PARD6G: variants seen among roughly 807,000 people sequenced by gnomAD.
PARD6G encodes partitioning defective 6 homolog gamma.
Under a neutral mutation model 10.7 loss-of-function variants are expected in PARD6G, and 7 were observed. That is an observed-to-expected ratio of 0.66 (90% CI 0.37 to 1.23). PARD6G has a LOEUF of 1.23. Among genes scored for constraint, PARD6G ranks in the 50% most tolerant of loss-of-function variants. The pLI is 0.02. For synonymous variants in PARD6G, 287 were observed against 269.4 expected (o/e 1.07, Z -0.64); for missense variants, 548 against 571.8 (o/e 0.96, Z 0.42).
intron 1 of PARD6G, among the ~76,000 whole-genome samples, chr18:80,219,194 A>G (rs1967203244): frequency 7.8e-6 from 1 of 127,516 alleles, no homozygotes; most frequent in African/African-American, 2.9e-5. Context: ...ATTTCTCCCC[A>G]GAAAATAGGG....
chr18:80,219,660 G>T (rs1232859667), intron 1 of PARD6G, among the ~76,000 whole-genome samples: 1 of 152,154 alleles, frequency 6.6e-6, no homozygotes, highest in East Asian at 1.9e-4. Context: ...CTAGGGCAGG[G>T]ACAAAATGCC....
chr18:80,226,322 C>T (rs1967292065), intron 1 of PARD6G, among the ~76,000 whole-genome samples: 1 of 151,870 alleles, frequency 6.6e-6, no homozygotes, highest in South Asian at 2.1e-4. Flanking sequence ...AGGCATGTAC[C>T]ACCACGCCCA....
intron 1 of PARD6G, among the ~76,000 whole-genome samples, chr18:80,237,091 T>C (rs1342229720): frequency 1.3e-5 from 2 of 152,138 alleles, no homozygotes; most frequent in Admixed American, 1.3e-4. Flanking sequence ...GCTACCTGAC[T>C]TCAAACTACA....
chr18:80,175,022 A>G lies in PARD6G; in HGVS notation c.296-14416T>C, dbSNP rs1055510417. On this transcript the variant is annotated intron_variant, in intron 2 of 2. Coordinates refer to ENST00000353265, the MANE Select transcript of PARD6G (RefSeq NM_032510.4). This position sits in a 1 kb window ranked among gnomAD's most constrained non-coding sequence, Gnocchi z 6.7. ...GCATTTGTCTGTTCATTCCTAACCAATGCTCAGGGAGAGCACCCAACAGAG... is the reference window on the plus strand; with the variant it reads ...GCATTTGTCTGTTCATTCCTAACCAGTGCTCAGGGAGAGCACCCAACAGAG... Among the ~76,000 whole-genome samples, 1 of 152,176 alleles carries G rather than the reference A, an allele frequency of 6.6e-6. No individual in the cohort carries two copies. Among genetic ancestry groups the G allele is most frequent in the African/African-American group, 2.4e-5 (1 of 41,448 alleles).
At chr18:80,204,262 T>G (rs1003403433) in intron 1 of PARD6G, among the ~76,000 whole-genome samples, 3 of 152,156 alleles carry the variant, frequency 2.0e-5, no homozygotes, top group African/African-American at 7.2e-5. Flanking sequence ...CATCTAGACA[T>G]TGTATGAATG....
At chr18:80,207,782 G>C (rs942296176) in intron 1 of PARD6G, among the ~76,000 whole-genome samples, 9 of 152,096 alleles carry the variant, frequency 5.9e-5, no homozygotes, top group African/African-American at 2.2e-4. Context: ...GACCACAAGA[G>C]AAAAATATTT....
chr18:80,177,607 CACAG>C (rs2052822093), intron 2 of PARD6G, among the ~76,000 whole-genome samples: 1 of 151,356 alleles, frequency 6.6e-6, no homozygotes, highest in Non-Finnish European at 1.5e-5. Context: ...CACACAAACA[CACAG>C]ACACACAGAA....
intron 1 of PARD6G, among the ~76,000 whole-genome samples, chr18:80,240,729 T>C (rs181696485): frequency 1.8e-3 from 277 of 152,278 alleles, no homozygotes; most frequent in Non-Finnish European, 3.4e-3. Flanking sequence ...ACTCAGCACA[T>C]TGACTGGTCT....
At chr18:80,229,032 G>T (rs1406766416) in intron 1 of PARD6G, among the ~76,000 whole-genome samples, 1 of 152,134 alleles carries the variant, frequency 6.6e-6, no homozygotes, top group African/African-American at 2.4e-5. Context: ...TCCACCTCCT[G>T]GGTTCAAGCG....
intron 1 of PARD6G, among the ~76,000 whole-genome samples, chr18:80,242,608 T>G (rs910243846): frequency 6.6e-6 from 1 of 152,232 alleles, no homozygotes; most frequent in Non-Finnish European, 1.5e-5. Flanking sequence ...CCAAGTTTAA[T>G]GCCTGGGGGC....
At chr18:80,170,679 C>A (rs754598878) in intron 2 of PARD6G, 19 of 152,262 alleles carry the variant, frequency 1.2e-4, no homozygotes, top group African/African-American at 1.7e-4. Context: ...CCTCAACCAA[C>A]GAAAACACCA....
In PARD6G at chr18:80,192,612, G is replaced by A. The variant is rs1172353472; in HGVS notation, c.295+10098C>T. On this transcript the variant is annotated intron_variant, in intron 2 of 2. Coordinates refer to ENST00000353265, the MANE Select transcript of PARD6G (RefSeq NM_032510.4). The surrounding 1 kb of genome is among the most constrained non-coding windows in gnomAD (Gnocchi z 4.9). ...TGCCAAGGCAGCCCCAGGGACCTGT[G>A]TGGGGCTGTCATGACACATTGAAGG... 2.6e-5 allele frequency among the ~76,000 whole-genome samples: 4 copies of A among 152,198 alleles called. No homozygotes were observed. Among genetic ancestry groups the A allele is most frequent in the Non-Finnish European group, 5.9e-5 (4 of 68,034 alleles).
intron 2 of PARD6G, among the ~76,000 whole-genome samples, chr18:80,196,739 G>T (rs1194765673): frequency 1.3e-5 from 2 of 152,090 alleles, no homozygotes; most frequent in African/African-American, 4.8e-5. Flanking sequence ...GATTCTTCTG[G>T]AGGGGGGCCT....
intron 1 of PARD6G, among the ~76,000 whole-genome samples, chr18:80,224,071 C>T (rs1228205099): frequency 1.3e-5 from 2 of 152,148 alleles, no homozygotes; most frequent in Non-Finnish European, 2.9e-5. Context: ...ACCCTGACCC[C>T]AAACTACAAA....
At chr18:80,244,619 G>C (rs1967523328) in intron 1 of PARD6G, among the ~76,000 whole-genome samples, 1 of 152,180 alleles carries the variant, frequency 6.6e-6, no homozygotes, top group South Asian at 2.1e-4. Context: ...TAGGTAAGCA[G>C]AAAAGGTATC....
At chr18:80,215,886 A>G (rs1967160173) in intron 1 of PARD6G, among the ~76,000 whole-genome samples, 1 of 152,134 alleles carries the variant, frequency 6.6e-6, no homozygotes, top group African/African-American at 2.4e-5. Flanking sequence ...ATGAGGAGAC[A>G]TGCTTTACAT....
chr18:80,173,498 G>A (rs1003893731), intron 2 of PARD6G, among the ~76,000 whole-genome samples: 4 of 152,024 alleles, frequency 2.6e-5, no homozygotes, highest in Admixed American at 6.6e-5. Flanking sequence ...GGTGGCGAGC[G>A]CCTGTAATCC....
At chr18:80,202,247 A>C (rs964344690) in intron 2 of PARD6G, among the ~76,000 whole-genome samples, 3 of 152,170 alleles carry the variant, frequency 2.0e-5, no homozygotes, top group African/African-American at 7.2e-5. Flanking sequence ...TTCAGCCATT[A>C]ACCTATGTTA....
At chr18:80,211,818 T>C (rs1022357953) in intron 1 of PARD6G, among the ~76,000 whole-genome samples, 8 of 152,168 alleles carry the variant, frequency 5.3e-5, no homozygotes, top group African/African-American at 1.9e-4. Flanking sequence ...GACAATACTG[T>C]ATGATTCCAC....
Sources: gnomAD v4.1 joint callset for allele counts (sites outside exome capture counted in the v4.1 genomes callset) on GRCh38, gnomAD v4.1.1 for gene constraint, Gnocchi (gnomAD v3.1) non-coding constraint, MANE v1.5 for transcripts, NCBI Gene and HGNC (gene_info 2026-07-23, HGNC 2026-07-21) for gene names.